CPQ: variants seen among roughly 807,000 people sequenced by gnomAD.
The protein encoded by CPQ is Ser-Met dipeptidase.
A neutral mutation model predicts 45.7 loss-of-function variants in CPQ; 37 were observed. That is an observed-to-expected ratio of 0.81 (90% CI 0.62 to 1.07). The LOEUF (loss-of-function observed/expected upper bound fraction) is 1.07. Ranked by LOEUF, CPQ falls within the 50% of genes least tolerant of loss-of-function variation. The pLI, the probability that CPQ is intolerant of heterozygous loss-of-function variation, is 0.00. For synonymous variants in CPQ, 186 were observed against 205.8 expected, an observed-to-expected ratio of 0.90 and a Z score of 0.82; for missense variants, 537 against 572.9, an observed-to-expected ratio of 0.94 and a Z score of 0.64.
At position 96,740,593 on chromosome 8, in the gene CPQ, G is replaced by A. The variant is rs563608759; in HGVS notation, c.-34-44271G>A. Among the ~76,000 whole-genome samples the A allele has an allele frequency of 3.9e-3, 584 of 151,682 alleles. 8 individuals carry two copies. The highest frequency in any genetic ancestry group is 0.012 in the Admixed American group (180 of 15,236). On this transcript the variant is annotated intron_variant, in intron 1 of 7. Transcript: ENST00000220763. ...TTGCCCATTCAGTATGATATTGGCT[G>A]TGGGTTTGTCATAGATAGCTCTTAT...
chr8:97,006,216 T>C (rs1809378637), intron 5 of CPQ, among the ~76,000 whole-genome samples: 1 of 152,168 alleles, frequency 6.6e-6, no homozygotes, highest in African/African-American at 2.4e-5. Flanking sequence ...GTTTTGAAAC[T>C]GAGAAGACTG....
At chr8:96,756,100 G>A (rs1432221405) in intron 1 of CPQ, among the ~76,000 whole-genome samples, 1 of 151,914 alleles carries the variant, frequency 6.6e-6, no homozygotes. Flanking sequence ...AGTAACTATA[G>A]ACTTTATCTA....
At chr8:97,010,042 T>A (rs928072459) in intron 5 of CPQ, among the ~76,000 whole-genome samples, 5 of 152,200 alleles carry the variant, frequency 3.3e-5, no homozygotes, top group Non-Finnish European at 7.3e-5. Context: ...GGGGCCATAG[T>A]AGATACCAGT....
chr8:96,880,571 A>ATG (rs1663425767), intron 4 of CPQ, among the ~76,000 whole-genome samples: 3 of 104,906 alleles, frequency 2.9e-5, no homozygotes, highest in Admixed American at 9.9e-5. Flanking sequence ...ATATATATAT[A>ATG]TATATACCAT....
intron 4 of CPQ, among the ~76,000 whole-genome samples, chr8:96,938,965 A>G (rs954453521): frequency 3.3e-5 from 5 of 152,200 alleles, no homozygotes; most frequent in Non-Finnish European, 7.3e-5. Flanking sequence ...GCCTTTTTGC[A>G]TCAGTATGTA....
rs114203921 is a variant in CPQ, at chr8:96,758,775, T to C, written c.-34-26089T>C. On this transcript the variant is annotated intron_variant, in intron 1 of 7. Coordinates refer to ENST00000220763, the MANE Select transcript of CPQ (RefSeq NM_016134.4). The stretch of plus-strand genomic sequence containing the variant: ...TATCCTAGGCAGTTGAATTAAATTG[T>C]CTTCCACTTAATTCATCTCAGCTTC... Among the ~76,000 whole-genome samples, 779 of 152,290 alleles carry C rather than the reference T, an allele frequency of 5.1e-3. 4 individuals carry two copies. The highest frequency in any genetic ancestry group is 0.015 in the African/African-American group (616 of 41,574).
rs1809454843 is a variant in CPQ, at chr8:96,701,296, T to G, written c.-35+55894T>G. On this transcript the variant is annotated intron_variant, in intron 1 of 7. Transcript: ENST00000220763. ...GGATTTGGGAGAAGATTAAATGAAA[T>G]AAATTCTAGGAAGCGTCTAGTGTGA... Among the ~76,000 whole-genome samples, 6 of 152,220 alleles carry G rather than the reference T, an allele frequency of 3.9e-5. No homozygotes were observed. The South Asian group carries it at 1.2e-3, about 32-fold the overall frequency.
At chr8:96,725,426 G>A (rs4735433) in intron 1 of CPQ, among the ~76,000 whole-genome samples, 88,198 of 152,014 alleles carry the variant, frequency 0.58, 26,048 homozygotes, top group East Asian at 0.86. Context: ...GGCAAAGGAC[G>A]TGAACAGACA....
intron 1 of CPQ, among the ~76,000 whole-genome samples, chr8:96,718,995 A>T (rs1196494882): frequency 1.3e-5 from 2 of 152,254 alleles, no homozygotes; most frequent in Non-Finnish European, 2.9e-5. Flanking sequence ...CCATGTCCCC[A>T]CCAGACTCAG....
At chr8:97,015,417 TA>T (rs570902004) in intron 5 of CPQ, among the ~76,000 whole-genome samples, 52 of 145,238 alleles carry the variant, frequency 3.6e-4, no homozygotes, top group Admixed American at 3.4e-4. Context: ...CAATTTAAAT[TA>T]AAAAAAAAAA....
rs555386068 is a variant in CPQ, at chr8:96,967,534, T to C, written c.961+1488T>C. 4.3e-4 allele frequency among the ~76,000 whole-genome samples: 65 copies of C among 152,342 alleles called. 2 individuals carry two copies. The South Asian group carries it at 0.012, about 28-fold the overall frequency. On this transcript the variant is annotated intron_variant, in intron 5 of 7. Transcript: ENST00000220763. Reference sequence around the variant, plus strand: ...CACTGTTAATTGAATTGAATTCAGTTGCATGGACAAATGTTAAATACCATG... The same window carrying C: ...CACTGTTAATTGAATTGAATTCAGTCGCATGGACAAATGTTAAATACCATG...
chr8:96,994,784 T>C (rs941474530), intron 5 of CPQ, among the ~76,000 whole-genome samples: 19 of 152,158 alleles, frequency 1.2e-4, no homozygotes, highest in African/African-American at 4.3e-4. Context: ...AATCTCAACA[T>C]GTTCCCTGCT....
At chr8:96,811,629 A>G (rs867564995) in intron 2 of CPQ, among the ~76,000 whole-genome samples, 1 of 152,168 alleles carries the variant, frequency 6.6e-6, no homozygotes, top group African/African-American at 2.4e-5. Context: ...AAAAAACTCT[A>G]TGTTATAATC....
At chr8:96,694,131 CA>C (rs1809340264) in intron 1 of CPQ, among the ~76,000 whole-genome samples, 1 of 151,408 alleles carries the variant, frequency 6.6e-6, no homozygotes, top group South Asian at 2.1e-4. Flanking sequence ...AATTAAAAAG[CA>C]AAAAATTAAA....
At chr8:96,846,411 T>G (rs1811690805) in intron 3 of CPQ, among the ~76,000 whole-genome samples, 1 of 152,204 alleles carries the variant, frequency 6.6e-6, no homozygotes, top group Admixed American at 6.5e-5. Flanking sequence ...GCAAATATTT[T>G]CTCCCAGCTG....
At chr8:96,669,387 T>C (rs1378598737) in intron 1 of CPQ, among the ~76,000 whole-genome samples, 2 of 152,324 alleles carry the variant, frequency 1.3e-5, no homozygotes, top group East Asian at 1.9e-4. Flanking sequence ...TGCCCCTCCT[T>C]GAGTGTCAAT....
intron 1 of CPQ, among the ~76,000 whole-genome samples, chr8:96,751,507 G>A (rs2130785825): frequency 6.6e-6 from 1 of 152,108 alleles, no homozygotes; most frequent in East Asian, 1.9e-4. Flanking sequence ...TTGTAAATTT[G>A]TTTAAGTTCT....
intron 6 of CPQ, among the ~76,000 whole-genome samples, chr8:97,057,313 T>C (rs1810471022): frequency 1.3e-5 from 2 of 152,208 alleles, no homozygotes; most frequent in African/African-American, 4.8e-5. Context: ...ATGTAAGAAA[T>C]AGTGTTAGGA....
chr8:96,744,887 G>A (rs1413190922), intron 1 of CPQ, among the ~76,000 whole-genome samples: 1 of 152,120 alleles, frequency 6.6e-6, no homozygotes, highest in Non-Finnish European at 1.5e-5. Context: ...GATCTGGATT[G>A]TTGCACATCC....
Sources: gnomAD v4.1 joint callset for allele counts (sites outside exome capture counted in the v4.1 genomes callset) on GRCh38, gnomAD v4.1.1 for gene constraint, MANE v1.5 for transcripts, NCBI Gene and HGNC (gene_info 2026-07-23, HGNC 2026-07-21) for gene names.